CDK14: variants seen among roughly 807,000 people sequenced by gnomAD.
The protein encoded by CDK14 is cyclin dependent kinase 14, also known as cyclin-dependent kinase 14.
In CDK14, 34 loss-of-function variants were observed where a neutral mutation model predicts 60.7. That is an observed-to-expected ratio of 0.56 (90% CI 0.43 to 0.75). The LOEUF is 0.75. CDK14 is among the 30% of genes least tolerant of loss of function. The pLI is 0.00. For missense variants in CDK14, 482 were observed against 564.1 expected (o/e 0.85, Z 1.47); for synonymous variants, 197 against 203.7 (o/e 0.97, Z 0.28).
At chr7:91,179,333 A>C (rs930530928) in intron 14 of CDK14, among the ~76,000 whole-genome samples, 16 of 119,330 alleles carry the variant, frequency 1.3e-4, no homozygotes, top group African/African-American at 4.8e-4. Flanking sequence ...GAAGGGGAAT[A>C]TCACACTCTG....
intron 5 of CDK14, among the ~76,000 whole-genome samples, chr7:90,840,730 T>A (rs1217919775): frequency 2.0e-5 from 3 of 152,208 alleles, no homozygotes; most frequent in Non-Finnish European, 2.9e-5. Flanking sequence ...TTTATTCACT[T>A]CCACTTTGAT....
intron 2 of CDK14, among the ~76,000 whole-genome samples, chr7:90,714,790 A>G (rs774557963): frequency 3.3e-5 from 5 of 152,080 alleles, no homozygotes; most frequent in African/African-American, 9.7e-5. Context: ...ACTTTATAAC[A>G]TCATTCTTGA....
intron 11 of CDK14, among the ~76,000 whole-genome samples, chr7:91,063,251 A>G (rs1305861412): frequency 6.6e-6 from 1 of 152,236 alleles, no homozygotes; most frequent in Non-Finnish European, 1.5e-5. Context: ...AGACAAATGC[A>G]TGACTATGGA....
At chr7:90,758,578 G>A (rs1365807322) in intron 4 of CDK14, among the ~76,000 whole-genome samples, 1 of 152,106 alleles carries the variant, frequency 6.6e-6, no homozygotes, top group Non-Finnish European at 1.5e-5. Context: ...TATTCAACTA[G>A]TGATGAATAT....
intron 4 of CDK14, among the ~76,000 whole-genome samples, chr7:90,769,204 A>G (rs549526278): frequency 6.6e-6 from 1 of 152,300 alleles, no homozygotes; most frequent in East Asian, 1.9e-4. Context: ...TTATGGAAGG[A>G]TGACTACTGA....
intron 8 of CDK14, among the ~76,000 whole-genome samples, chr7:90,947,134 A>G (rs1468183622): frequency 6.6e-6 from 1 of 152,218 alleles, no homozygotes; most frequent in Non-Finnish European, 1.5e-5. Context: ...AGACAGCGTC[A>G]GTCATTCTCT....
At chr7:91,020,627 A>G (rs1796409118) in intron 10 of CDK14, among the ~76,000 whole-genome samples, 1 of 152,182 alleles carries the variant, frequency 6.6e-6, no homozygotes, top group African/African-American at 2.4e-5. Context: ...CTTGTGTTTG[A>G]GGGGATGAAT....
chr7:90,612,520 C>A (rs1199824497), intron 2 of CDK14, among the ~76,000 whole-genome samples: 1 of 152,012 alleles, frequency 6.6e-6, no homozygotes, highest in East Asian at 1.9e-4. Context: ...GCCTGTAATC[C>A]CAACACTATG....
intron 10 of CDK14, among the ~76,000 whole-genome samples, chr7:91,020,418 G>A (rs147569150): frequency 5.8e-4 from 88 of 152,276 alleles, no homozygotes; most frequent in Middle Eastern, 3.4e-3. Context: ...TGAGAATACA[G>A]CATTGAACAA....
At chr7:91,170,643 G>A (rs1801486227) in intron 14 of CDK14, among the ~76,000 whole-genome samples, 1 of 151,376 alleles carries the variant, frequency 6.6e-6, no homozygotes, top group Non-Finnish European at 1.5e-5. Flanking sequence ...TGATTAGCTT[G>A]TATTCAATTA....
chr7:91,195,913 G>A (rs4727250), intron 14 of CDK14, among the ~76,000 whole-genome samples: 62,038 of 152,048 alleles, frequency 0.41, 14,472 homozygotes, highest in Middle Eastern at 0.56. Context: ...CTGTGTCTCT[G>A]TCTGCATCTG....
intron 2 of CDK14, among the ~76,000 whole-genome samples, chr7:90,635,106 T>C (rs1800106587): frequency 6.6e-6 from 1 of 152,092 alleles, no homozygotes; most frequent in African/African-American, 2.4e-5. Context: ...TGATGGTAGT[T>C]TCTTTTGCTG....
intron 10 of CDK14, among the ~76,000 whole-genome samples, chr7:91,002,742 G>C (rs1795876388): frequency 1.3e-5 from 2 of 152,124 alleles, no homozygotes; most frequent in South Asian, 4.1e-4. Context: ...CTTGAATCTA[G>C]CCTCGTGATT....
In CDK14 at chr7:91,112,694, A is replaced by G. The variant is rs371341024; in HGVS notation, c.1294+13A>G. On this transcript the variant is annotated intron_variant, in intron 13 of 14. Coordinates refer to ENST00000380050, the MANE Select transcript of CDK14 (RefSeq NM_001287135.2). ...GAACTCACCGACAGTGAGTATGACA[A>G]ATCCACAACATCCAGTCCAAGCAGA... The G allele has an allele frequency of 2.5e-6, 4 of 1,612,608 alleles. No homozygotes were observed. Among genetic ancestry groups the G allele is most frequent in the Admixed American group, 3.3e-5 (2 of 59,910 alleles).
chr7:90,977,674 A>G (rs1286804137), intron 9 of CDK14, among the ~76,000 whole-genome samples: 2 of 152,048 alleles, frequency 1.3e-5, no homozygotes, highest in Admixed American at 1.3e-4. Flanking sequence ...AGTTTTCTCC[A>G]TTGTAAATTT....
chr7:91,207,653 C>G lies in CDK14; in HGVS notation c.*517C>G, dbSNP rs969423878. Reference sequence around the variant, plus strand: ...GGAAATTTTCTGCTAAAGCAAACCCCTGTTCTCTGACTTGACAACTTGGCC... The same window carrying G: ...GGAAATTTTCTGCTAAAGCAAACCCGTGTTCTCTGACTTGACAACTTGGCC... On this transcript the variant is annotated 3_prime_UTR_variant, in exon 15 of 15. Coordinates refer to ENST00000380050, the MANE Select transcript of CDK14 (RefSeq NM_001287135.2). 1 of 152,660 alleles carries G rather than the reference C, an allele frequency of 6.6e-6. No homozygotes were observed. Among genetic ancestry groups the G allele is most frequent in the Non-Finnish European group, 1.5e-5 (1 of 68,044 alleles). 9.5% of individuals were successfully genotyped at this position (152,660 alleles called of 1,614,324 possible).
At chr7:91,112,794 G>C in intron 13 of CDK14, 113 bp downstream of exon 13, 10 of 1,092,756 alleles carry the variant, frequency 9.2e-6, no homozygotes, top group Non-Finnish European at 1.2e-5. Flanking sequence ...ACAAACATAA[G>C]ATAATGTATG....
At chr7:90,747,814 G>T (rs748206555) in intron 4 of CDK14, 39 bp downstream of exon 4, 1 of 973,404 alleles carries the variant, frequency 1.0e-6, no homozygotes, top group East Asian at 2.9e-5. Context: ...CATGTACAGT[G>T]TATCTGCCCT....
chr7:90,704,881 C>A (rs924052983), intron 2 of CDK14, among the ~76,000 whole-genome samples: 4 of 151,954 alleles, frequency 2.6e-5, no homozygotes, highest in Non-Finnish European at 5.9e-5. Flanking sequence ...TAGTGAGTGA[C>A]ATCAGAAGAG....
Sources: gnomAD v4.1 joint callset for allele counts (sites outside exome capture counted in the v4.1 genomes callset) on GRCh38, gnomAD v4.1.1 for gene constraint, MANE v1.5 for transcripts, NCBI Gene and HGNC (gene_info 2026-07-23, HGNC 2026-07-21) for gene names.